The following CFAP46 variants were observed in gnomAD, a reference collection of about 807,000 sequenced individuals.
CFAP46 encodes cilia- and flagella-associated protein 46.
CFAP46 carries 245 observed loss-of-function variants against 325.7 expected under a neutral mutation model. The ratio of observed to expected loss-of-function variants is 0.75; its 90% CI spans 0.68 to 0.84. The LOEUF (loss-of-function observed/expected upper bound fraction) is 0.84. Ranked by LOEUF, CFAP46 falls within the 40% of genes least tolerant of loss-of-function variation. The probability of loss-of-function intolerance (pLI) is 0.00; values close to 1 mark genes in which losing one functional copy is unlikely to be tolerated. For missense variants in CFAP46, 3,346 were observed against 3,543.0 expected, an observed-to-expected ratio of 0.94 and a Z score of 1.41; for synonymous variants, 1,523 against 1,495.9, an observed-to-expected ratio of 1.02 and a Z score of -0.42.
In CFAP46 at chr10:132,909,244, C is replaced by T; in HGVS notation, c.2650G>A (p.Gly884Ser). Residue 884 changes from glycine to serine, a missense_variant and splice_region_variant, in exon 21 of 58, where the codon GGC (glycine) becomes AGC (serine). Gly to Ser is a moderately conservative substitution (Grantham distance 56, BLOSUM62 0). Transcript: ENST00000368586. ...IGPRLGTEEQ[G>S]TNEDVSSVTR... ...ACCGAGCTGACATCCTCATTGGTGC[C>T]CTGGTGGGGAGGATGCCCTGAGTGT... 6.5e-7 allele frequency: 1 copy of T among 1,549,526 alleles called. No homozygotes were observed. Among genetic ancestry groups the T allele is most frequent in the East Asian group, 2.4e-5 (1 of 40,900 alleles).
At chr10:132,880,118 A>ATG (rs142292189) in intron 28 of CFAP46, among the ~76,000 whole-genome samples, 23,033 of 150,562 alleles carry the variant, frequency 0.15, 2,805 homozygotes, top group African/African-American at 0.34. Context: ...GTGTGCATGT[A>ATG]TGTGTGTGTG....
chr10:132,920,322 C>T, intron 13 of CFAP46, 140 bp from the exon 14 acceptor site: 1 of 1,104,706 alleles, frequency 9.1e-7, no homozygotes, highest in Non-Finnish European at 1.2e-6. Flanking sequence ...ATCCCCGGCT[C>T]CCAGAAGCCG....
chr10:132,862,461 G>A (rs1313856715), intron 35 of CFAP46, among the ~76,000 whole-genome samples: 3 of 151,386 alleles, frequency 2.0e-5, no homozygotes, highest in Non-Finnish European at 4.4e-5. Flanking sequence ...TGGGGGGTGC[G>A]TGAGGCTGAT....
intron 23 of CFAP46, 99 bp downstream of exon 23, chr10:132,899,436 C>G (rs1488403235): frequency 1.1e-5 from 16 of 1,430,622 alleles, no homozygotes; most frequent in Non-Finnish European, 1.5e-5. Context: ...CAGGAGCCCT[C>G]CCTTGGGCCC....
chr10:132,904,694 T>C (rs1849433147), intron 22 of CFAP46, among the ~76,000 whole-genome samples: 1 of 152,256 alleles, frequency 6.6e-6, no homozygotes, highest in South Asian at 2.1e-4. Context: ...GGAGGCTTTA[T>C]GCAGCAGCAC....
At chr10:132,878,496 C>T (rs140393206) in intron 29 of CFAP46, among the ~76,000 whole-genome samples, 6 of 152,250 alleles carry the variant, frequency 3.9e-5, no homozygotes, top group Non-Finnish European at 5.9e-5. Context: ...GGGCCCCTCG[C>T]GGCCCTGACA....
chr10:132,887,700 CCTCT>C (rs1367278069), intron 25 of CFAP46, among the ~76,000 whole-genome samples: 5 of 120,418 alleles, frequency 4.2e-5, no homozygotes, highest in South Asian at 2.9e-4. Flanking sequence ...TCTCTCCTCT[CCTCT>C]CTCTCTCCGC....
rs926500566 is a variant in CFAP46 at position 132,922,508 on chromosome 10, T to G, written c.1457A>C (p.Glu486Ala). The G allele has an allele frequency of 5.8e-6, 9 of 1,544,788 alleles. No homozygotes were observed. The African/African-American group carries it at 1.1e-4, about 19-fold the overall frequency. The part of the protein sequence containing the change: ...TTLYQAPERA[E>A]DKAIMAVEQA... Reference sequence around the variant, plus strand: ...CTCAACGGCCATGATGGCCTTGTCCTCTGCGCGCTCAGGGGCCTGGTATAG... The same window carrying G: ...CTCAACGGCCATGATGGCCTTGTCCGCTGCGCGCTCAGGGGCCTGGTATAG... The change falls in exon 12 of 58, where the codon GAG (glutamate) becomes GCG (alanine). Residue 486 changes from glutamate to alanine, a missense_variant. Glu to Ala is a moderately radical substitution (Grantham distance 107, BLOSUM62 -1). Coordinates refer to ENST00000368586, the MANE Select transcript of CFAP46 (RefSeq NM_001200049.3).
rs199975690 is a variant in CFAP46, at chr10:132,808,832, T to C, written c.7737A>G (p.Gln2579=). The C allele has an allele frequency of 2.0e-4, 318 of 1,606,634 alleles. No homozygotes were observed. Among genetic ancestry groups the C allele is most frequent in the Non-Finnish European group, 2.5e-4 (298 of 1,175,304 alleles). Residue 2579 remains glutamine (Q), a synonymous_variant, in exon 58 of 58, where the codon CAA becomes CAG. Transcript: ENST00000368586. The surrounding 1 kb of genome is among the most constrained non-coding windows in gnomAD (Gnocchi z 6.8). ...PKLRAPSHHA[Q]LGPVWAAAPS... ...GTGCGGCAGCCCATACAGGACCAAGTTGAGCGTGGTGGGAAGGAGCTCGGA... is the reference window on the plus strand; with the variant it reads ...GTGCGGCAGCCCATACAGGACCAAGCTGAGCGTGGTGGGAAGGAGCTCGGA...
chr10:132,899,362 G>A (rs1849362471), intron 23 of CFAP46, among the ~76,000 whole-genome samples, 173 bp downstream of exon 23: 1 of 152,186 alleles, frequency 6.6e-6, no homozygotes, highest in Non-Finnish European at 1.5e-5. Context: ...GGCAAGAGGG[G>A]GCCGCTGCAC....
At position 132,886,231 on chromosome 10, in the gene CFAP46, A is replaced by G. The variant is rs114748007; in HGVS notation, c.3305-272T>C. On this transcript the variant is annotated intron_variant, in intron 25 of 57. Transcript: ENST00000368586. This position sits in a 1 kb window ranked among gnomAD's most constrained non-coding sequence, Gnocchi z 5.8. ...TGCCTGTCACTCTCCATCTCCTTGG[A>G]GAATTCTGCGTTCACAAACACAGAC... Among the ~76,000 whole-genome samples the G allele has an allele frequency of 8.6e-3, 1,308 of 152,264 alleles. 17 individuals are homozygous for G. The highest frequency in any genetic ancestry group is 0.029 in the African/African-American group (1,188 of 41,558).
intron 44 of CFAP46, among the ~76,000 whole-genome samples, chr10:132,842,028 C>T (rs186400079): frequency 2.9e-4 from 44 of 152,378 alleles, no homozygotes; most frequent in African/African-American, 1.1e-3. Flanking sequence ...AGCCTTGGCT[C>T]CTCTCCTGGG....
chr10:132,809,112 G>A (rs1436728600), intron 57 of CFAP46, among the ~76,000 whole-genome samples: 2 of 151,968 alleles, frequency 1.3e-5, no homozygotes, highest in Admixed American at 6.5e-5. Flanking sequence ...GCCGGGTGAC[G>A]GCACCAGGAC....
rs1189487406 is a variant in CFAP46 at position 132,817,835 on chromosome 10, C to T, written c.7118-2921G>A. On this transcript the variant is annotated intron_variant, in intron 50 of 57. Transcript: ENST00000368586. This position sits in a 1 kb window ranked among gnomAD's most constrained non-coding sequence, Gnocchi z 4.4. ...CTTCCTGTCTGACGGTTCTGGGAGT[C>T]GGAGGTCCGAATGGGGTCACTGGGT... Among the ~76,000 whole-genome samples the T allele has an allele frequency of 6.6e-6, 1 of 152,236 alleles. No individual in the cohort carries two copies. Among genetic ancestry groups the T allele is most frequent in the South Asian group, 2.1e-4 (1 of 4,826 alleles).
At chr10:132,902,509 T>C (rs192563555) in intron 22 of CFAP46, among the ~76,000 whole-genome samples, 3 of 152,376 alleles carry the variant, frequency 2.0e-5, no homozygotes, top group African/African-American at 4.8e-5. Context: ...TTCCATTCTT[T>C]ATTGAAATTC....
At chr10:132,809,009 G>C in intron 57 of CFAP46, 105 bp from the exon 58 acceptor site, 3 of 1,131,670 alleles carry the variant, frequency 2.7e-6, no homozygotes, top group Non-Finnish European at 2.5e-6. Flanking sequence ...CTCCAACTGA[G>C]GGCGCTCTGG....
chr10:132,836,106 C>A, intron 46 of CFAP46, 36 bp downstream of exon 46: 1 of 1,574,414 alleles, frequency 6.4e-7, no homozygotes, highest in East Asian at 2.3e-5. Flanking sequence ...TCCGCCTGCC[C>A]TGCTCCCCCT....
intron 7 of CFAP46, among the ~76,000 whole-genome samples, 187 bp from the exon 8 acceptor site, chr10:132,935,049 A>G (rs1344623245): frequency 6.6e-6 from 1 of 151,972 alleles, no homozygotes; most frequent in Non-Finnish European, 1.5e-5. Context: ...CCTTCCCTCC[A>G]TGATGCCCGG....
Position 132,834,907 on chromosome 10 carries a change from G to A in CFAP46, c.6745-132C>T, listed in dbSNP as rs962682403. ...ACAGCATGGTGGACAAGGGCACCTG[G>A]CTCGGCAACGAGGGCCCCATAGCAC... On this transcript the variant is annotated intron_variant, in intron 47 of 57. Transcript: ENST00000368586. 3.4e-5 allele frequency: 44 copies of A among 1,305,876 alleles called. No individual in the cohort carries two copies. In the African/African-American group the frequency reaches 6.1e-4, roughly 18 times the overall value. 80.9% of individuals were successfully genotyped at this position (1,305,876 alleles called of 1,614,324 possible). A position where few individuals can be genotyped will look rare whatever the true frequency, so the allele number is the denominator to read the frequency against.
Sources: allele counts gnomAD v4.1 joint callset (sites outside exome capture counted in the v4.1 genomes callset), GRCh38; gene constraint gnomAD v4.1.1; non-coding constraint Gnocchi (gnomAD v3.1); transcripts MANE v1.5; gene names NCBI Gene and HGNC (gene_info 2026-07-23, HGNC 2026-07-21).